Variants in MPP4 observed in about 807,000 individuals in gnomAD.
The protein encoded by MPP4 is MAGUK p55 scaffold protein 4, also known as MAGUK p55 subfamily member 4.
MPP4 carries 91 observed loss-of-function variants against 98.3 expected under a neutral mutation model. The ratio of observed to expected loss-of-function variants is 0.93; its 90% CI spans 0.78 to 1.10. The LOEUF (loss-of-function observed/expected upper bound fraction) is 1.10, where lower values mean the gene tolerates loss of function less well. Ranked by LOEUF, MPP4 falls within the 50% of genes least tolerant of loss-of-function variation. MPP4 has a pLI of 0.00. For synonymous variants in MPP4, 261 were observed against 271.8 expected, an observed-to-expected ratio of 0.96 and a Z score of 0.39; for missense variants, 744 against 792.9, an observed-to-expected ratio of 0.94 and a Z score of 0.74.
chr2:201,645,986 T>A (rs1332635140), intron 21 of MPP4, among the ~76,000 whole-genome samples: 1 of 152,238 alleles, frequency 6.6e-6, no homozygotes, highest in Non-Finnish European at 1.5e-5. Context: ...GAAGTTTTTT[T>A]AAATAATAAA....
intron 11 of MPP4, among the ~76,000 whole-genome samples, chr2:201,674,495 G>T (rs1162460175): frequency 8.4e-6 from 1 of 119,186 alleles, no homozygotes; most frequent in African/African-American, 3.3e-5. Context: ...GCACATGCTG[G>T]GTCTGAGGTA....
At chr2:201,698,482 A>G in intron 1 of MPP4, 105 bp downstream of exon 1, 1 of 805,478 alleles carries the variant, frequency 1.2e-6, no homozygotes, top group East Asian at 6.9e-5. Context: ...CATTTGAGTT[A>G]GATTACCCAG....
chr2:201,647,753 T>A lies in MPP4; in HGVS notation c.1657A>T (p.Met553Leu). ...TTGGCATTTTTCCGAGATTGTTTCA[T>A]ACACCTCATATTCGATGGCTTTATA... ...IFIKPSNMRC[M>L]KQSRKNAKVI... Residue 553 changes from methionine to leucine, a missense_variant, in exon 21 of 22, where the codon ATG becomes TTG. Transcript: ENST00000409474. 2 of 1,614,030 alleles carry A rather than the reference T, an allele frequency of 1.2e-6. No individual in the cohort carries two copies. Among genetic ancestry groups the A allele is most frequent in the South Asian group, 1.1e-5 (1 of 91,084 alleles).
In MPP4 at chr2:201,660,331, C is replaced by A. The variant is rs1369444780; in HGVS notation, c.1087+1G>T. On this transcript the variant is annotated splice_donor_variant, in intron 15 of 21. Coordinates refer to ENST00000409474, the MANE Select transcript of MPP4 (RefSeq NM_033066.3). LOFTEE classifies it high-confidence loss of function. ...TATATCTAGGAAATAAAAACAATTACCTTCTGAAAGTTCCTCTGGATATTT... is the reference window on the plus strand; with the variant it reads ...TATATCTAGGAAATAAAAACAATTAACTTCTGAAAGTTCCTCTGGATATTT... 4 of 1,612,720 alleles carry A rather than the reference C, an allele frequency of 2.5e-6. No individual in the cohort carries two copies. The highest frequency in any genetic ancestry group is 3.4e-6 in the Non-Finnish European group (4 of 1,178,886).
intron 18 of MPP4, chr2:201,652,159 A>G (rs1022820746): frequency 3.9e-6 from 1 of 253,910 alleles, no homozygotes; most frequent in Non-Finnish European, 6.2e-6. Context: ...CCCCTGCACA[A>G]AATTCTAGCA....
At chr2:201,682,065 C>T (rs887954330) in intron 8 of MPP4, among the ~76,000 whole-genome samples, 13 of 152,070 alleles carry the variant, frequency 8.5e-5, no homozygotes, top group Non-Finnish European at 1.2e-4. Flanking sequence ...GCTCTCAGAC[C>T]GGGGGAAGGA....
intron 8 of MPP4, 36 bp downstream of exon 8, chr2:201,682,795 C>G: frequency 6.3e-7 from 1 of 1,586,952 alleles, no homozygotes; most frequent in Admixed American, 1.7e-5. Context: ...TGGCATTTCT[C>G]CAAGTCATTA....
chr2:201,686,334 C>T (rs914911547), intron 5 of MPP4, among the ~76,000 whole-genome samples: 1 of 152,192 alleles, frequency 6.6e-6, no homozygotes, highest in Non-Finnish European at 1.5e-5. Context: ...TATTATGCCA[C>T]GACATTCTTA....
chr2:201,680,851 G>A lies in MPP4; in HGVS notation c.916C>T (p.His306Tyr), dbSNP rs370916515. 1.2e-6 allele frequency: 2 copies of A among 1,612,744 alleles called. No homozygotes were observed. The highest frequency in any genetic ancestry group is 1.7e-5 in the Admixed American group (1 of 59,880). ...ATCAGLVPSN[H>Y]LLKRKQREFW... ...GACGTTCCTTACCTCTTCAGAAGGT[G>A]GTTAGAAGGGACAAGCCCAGCGCAG... Residue 306 changes from histidine (H) to tyrosine (Y), a missense_variant, in exon 10 of 22, where the codon CAC becomes TAC. Coordinates refer to ENST00000409474, the MANE Select transcript of MPP4 (RefSeq NM_033066.3).
intron 19 of MPP4, 27 bp from the exon 20 acceptor site, chr2:201,649,711 A>C: frequency 6.7e-7 from 1 of 1,501,620 alleles, no homozygotes; most frequent in Middle Eastern, 1.7e-4. Flanking sequence ...AACAAAACAG[A>C]ACACTTTCTA....
chr2:201,690,110 T>C, intron 4 of MPP4, 92 bp downstream of exon 4: 1 of 776,022 alleles, frequency 1.3e-6, no homozygotes, highest in Non-Finnish European at 2.0e-6. Flanking sequence ...ATAAAACTTT[T>C]CCTTAGAACC....
chr2:201,693,047 C>A lies in MPP4; in HGVS notation c.80-18G>T. 6.2e-7 allele frequency: 1 copy of A among 1,606,192 alleles called. No individual in the cohort carries two copies. On this transcript the variant is annotated intron_variant, in intron 2 of 21. Coordinates refer to ENST00000409474, the MANE Select transcript of MPP4 (RefSeq NM_033066.3). ...GGAGAGGCCTAGGAAAGGAAGAGAGCAGAGATGGGGTGGCAGGTGCGGGTG... is the reference window on the plus strand; with the variant it reads ...GGAGAGGCCTAGGAAAGGAAGAGAGAAGAGATGGGGTGGCAGGTGCGGGTG...
At chr2:201,669,474 T>G (rs1288500671) in intron 12 of MPP4, among the ~76,000 whole-genome samples, 2 of 152,270 alleles carry the variant, frequency 1.3e-5, no homozygotes, top group Non-Finnish European at 2.9e-5. Flanking sequence ...ATATAAATGT[T>G]GCTTCTCTTT....
chr2:201,650,010 G>A, intron 19 of MPP4, 62 bp downstream of exon 19: 1 of 1,421,050 alleles, frequency 7.0e-7, no homozygotes, highest in Non-Finnish European at 9.5e-7. Context: ...ATAAAAATAG[G>A]GAATCTATTT....
At chr2:201,650,534 C>A in intron 18 of MPP4, 4 of 985,404 alleles carry the variant, frequency 4.1e-6, no homozygotes, top group Non-Finnish European at 4.8e-6. Flanking sequence ...TTGGATAGTG[C>A]ATTTCCCATG....
Position 201,649,936 on chromosome 2 carries a change from G to A in MPP4, c.1475+136C>T, listed in dbSNP as rs1221885630. The A allele has an allele frequency of 2.8e-5, 25 of 878,186 alleles. No individual in the cohort carries two copies. The East Asian group carries it at 3.5e-4, about 12-fold the overall frequency. The allele number at this position is 878,186 out of a possible 1,614,324, so 54.4% of individuals were successfully genotyped here. On this transcript the variant is annotated intron_variant, in intron 19 of 21. Coordinates refer to ENST00000409474, the MANE Select transcript of MPP4 (RefSeq NM_033066.3). ...CCAGTGAGTTGGTGTGCTGTATATC[G>A]ATGTACATTTCTTGCTTAACTCCTC...
chr2:201,693,149 G>A, intron 2 of MPP4, 120 bp from the exon 3 acceptor site: 1 of 1,152,852 alleles, frequency 8.7e-7, no homozygotes, highest in South Asian at 1.7e-5. Flanking sequence ...CTGGATCTCA[G>A]GCCAAAAGAT....
At chr2:201,655,207 C>CT (rs1267524627) in intron 17 of MPP4, among the ~76,000 whole-genome samples, 2 of 152,184 alleles carry the variant, frequency 1.3e-5, no homozygotes, top group Non-Finnish European at 2.9e-5. Flanking sequence ...TGAGAATTAG[C>CT]TGGTCTCATT....
chr2:201,678,904 C>A (rs1688593658), intron 10 of MPP4, among the ~76,000 whole-genome samples: 1 of 152,156 alleles, frequency 6.6e-6, no homozygotes, highest in African/African-American at 2.4e-5. Flanking sequence ...ATCACACATA[C>A]AAATGTCCCT....
Sources: allele counts gnomAD v4.1 joint callset (sites outside exome capture counted in the v4.1 genomes callset), GRCh38; gene constraint gnomAD v4.1.1; transcripts MANE v1.5; gene names NCBI Gene and HGNC (gene_info 2026-07-23, HGNC 2026-07-21).